The following FLT3 variants were observed in gnomAD, a reference collection of about 807,000 sequenced individuals.
The protein encoded by FLT3 is fms related receptor tyrosine kinase 3, also known as receptor-type tyrosine-protein kinase FLT3.
In FLT3, 46 loss-of-function variants were observed where a neutral mutation model predicts 126.6. The observed-to-expected ratio is 0.36, with a 90% CI of 0.29 to 0.46. The LOEUF is 0.46. Among genes scored for constraint, FLT3 ranks in the 20% least tolerant of loss-of-function variants. The pLI is 1.00. For synonymous variants in FLT3, 404 were observed against 434.4 expected, an observed-to-expected ratio of 0.93 and a Z score of 0.87; for missense variants, 1,069 against 1,190.3, an observed-to-expected ratio of 0.90 and a Z score of 1.50.
At chr13:28,094,312 C>A (rs1879307616) in intron 1 of FLT3, among the ~76,000 whole-genome samples, 1 of 152,096 alleles carries the variant, frequency 6.6e-6, no homozygotes, top group South Asian at 2.1e-4. Flanking sequence ...CTAAAGCCTG[C>A]TTTAGCATAG....
rs9554237 is a variant in FLT3 at position 28,068,805 on chromosome 13, C to A, written c.165+1686G>T. The stretch of plus-strand genomic sequence containing the variant: ...TTCCTCAGGCTGGTCTCAAACTCCT[C>A]AGCTCAAGCGATCCACCCACCTTGG... On this transcript the variant is annotated intron_variant, in intron 2 of 23. Transcript: ENST00000241453. Among the ~76,000 whole-genome samples, 6 of 152,086 alleles carry A rather than the reference C, an allele frequency of 3.9e-5. No homozygotes were observed. In the South Asian group the frequency reaches 1.2e-3, roughly 32 times the overall value.
chr13:28,052,786 A>C (rs1239945718), intron 4 of FLT3, 112 bp from the exon 5 acceptor site: 1 of 651,954 alleles, frequency 1.5e-6, no homozygotes, highest in African/African-American at 1.9e-5. Flanking sequence ...TTACGTATAC[A>C]TATTTTTTTC....
Position 28,048,520 on chromosome 13 carries a change from T to C in FLT3, c.1037-77A>G, listed in dbSNP as rs565417377. On this transcript the variant is annotated intron_variant, in intron 8 of 23. Coordinates refer to ENST00000241453, the MANE Select transcript of FLT3 (RefSeq NM_004119.3). ...ACGTATTGAGAAGATAAAATAAACT[T>C]GTATTCATCAGTTTAACACAGGAAA... 1.5e-4 allele frequency: 157 copies of C among 1,015,058 alleles called. No homozygotes were observed. The Middle Eastern group carries it at 5.2e-3, about 33-fold the overall frequency. The allele number at this position is 1,015,058 out of a possible 1,614,324, so 62.9% of individuals were successfully genotyped here.
Position 28,003,388 on chromosome 13 carries a change from G to T in FLT3, c.*664C>A, listed in dbSNP as rs190904178. The T allele has an allele frequency of 2.7e-4, 63 of 233,616 alleles. No homozygotes were observed. The highest frequency in any genetic ancestry group is 1.4e-3 in the African/African-American group (62 of 45,466). 14.5% of individuals were successfully genotyped at this position (233,616 alleles called of 1,614,324 possible). A position where few individuals can be genotyped will look rare whatever the true frequency, so the allele number is the denominator to read the frequency against. On this transcript the variant is annotated 3_prime_UTR_variant, in exon 24 of 24. Transcript: ENST00000241453. ...AGGTGATGTATTACTCTTTATGGTAGAACACCTATTCATTATAAACTTCCC... is the reference window on the plus strand; with the variant it reads ...AGGTGATGTATTACTCTTTATGGTATAACACCTATTCATTATAAACTTCCC...
chr13:28,034,993 A>G (rs1873702733), intron 12 of FLT3, among the ~76,000 whole-genome samples: 1 of 152,114 alleles, frequency 6.6e-6, no homozygotes, highest in Admixed American at 6.6e-5. Context: ...CAAGTCAGAG[A>G]AAAAAGAAGT....
chr13:28,050,295 A>T, intron 5 of FLT3, 73 bp from the exon 6 acceptor site: 1 of 1,457,266 alleles, frequency 6.9e-7, no homozygotes, highest in Non-Finnish European at 9.5e-7. Flanking sequence ...AGAGGAGAAC[A>T]AAGTTCTAGA....
At chr13:28,009,609 G>C (rs976178556) in intron 23 of FLT3, 1 of 152,190 alleles carries the variant, frequency 6.6e-6, no homozygotes, top group African/African-American at 2.4e-5. Flanking sequence ...CCAGGTTAGA[G>C]TACAGTGGCA....
chr13:28,019,180 T>C (rs1872163883), intron 19 of FLT3, among the ~76,000 whole-genome samples: 1 of 152,154 alleles, frequency 6.6e-6, no homozygotes. Flanking sequence ...TTGGTCAGGC[T>C]GGTCTCGAAC....
chr13:28,028,087 AAAAG>A (rs1872969072), intron 16 of FLT3, 87 bp downstream of exon 16: 3 of 578,598 alleles, frequency 5.2e-6, no homozygotes, highest in Admixed American at 3.1e-5. Context: ...CAAAGAATTA[AAAAG>A]AGAGAGAGAG....
chr13:28,033,765 TTAGCCTTGAAACA>T, intron 15 of FLT3, 109 bp downstream of exon 15: 1 of 777,872 alleles, frequency 1.3e-6, no homozygotes, highest in Non-Finnish European at 2.2e-6. Context: ...CACTCCATTT[TTAGCCTTGAAACA>T]TGGCAAACAG....
rs1566090960 is a variant in FLT3, at chr13:28,061,867, C to T, written c.368G>A (p.Arg123Lys). 6.2e-7 allele frequency: 1 copy of T among 1,611,306 alleles called. No individual in the cohort carries two copies. The highest frequency in any genetic ancestry group is 1.1e-5 in the South Asian group (1 of 90,968). Residue 123 changes from arginine (R) to lysine (K), a missense_variant and splice_region_variant, in exon 3 of 24, where the codon AGA (arginine) becomes AAA (lysine). Arg to Lys is a conservative substitution (Grantham distance 26, BLOSUM62 2). Coordinates refer to ENST00000241453, the MANE Select transcript of FLT3 (RefSeq NM_004119.3). ...GTCAAGAAGGTATTCCTCCACTTAC[C>T]TGTTTTGTAAATCAAAATGTGGCTG... ...NCQPHFDLQN[R>K]GVVSMVILKM...
intron 19 of FLT3, among the ~76,000 whole-genome samples, chr13:28,020,764 G>A (rs1245015573): frequency 6.6e-6 from 1 of 152,052 alleles, no homozygotes; most frequent in Admixed American, 6.6e-5. Flanking sequence ...CTAGTACAGT[G>A]CTTGGCATGT....
At chr13:28,021,305 G>T (rs533781918) in intron 19 of FLT3, among the ~76,000 whole-genome samples, 3 of 152,152 alleles carry the variant, frequency 2.0e-5, no homozygotes, top group Admixed American at 6.5e-5. Context: ...CAGGAGGATC[G>T]CTTGAACCTG....
At chr13:28,025,839 C>T (rs1377185399) in intron 17 of FLT3, among the ~76,000 whole-genome samples, 1 of 152,130 alleles carries the variant, frequency 6.6e-6, no homozygotes, top group Non-Finnish European at 1.5e-5. Flanking sequence ...CACGGACGTG[C>T]ATGGGGATCT....
chr13:28,024,119 CTT>C (rs1234259201), intron 18 of FLT3, among the ~76,000 whole-genome samples: 1 of 143,958 alleles, frequency 6.9e-6, no homozygotes, highest in African/African-American at 2.5e-5. Flanking sequence ...TTACTCCTTC[CTT>C]TTTTTTTCTT....
chr13:28,058,078 G>A (rs1876174267), intron 3 of FLT3, among the ~76,000 whole-genome samples: 1 of 151,136 alleles, frequency 6.6e-6, no homozygotes, highest in South Asian at 2.1e-4. Flanking sequence ...AGCACAGTAA[G>A]CTGGGTGCAG....
rs1270130099 is a variant in FLT3, at chr13:28,100,297, T to C, written c.43+171A>G. Among the ~76,000 whole-genome samples the C allele has an allele frequency of 1.3e-5, 2 of 151,402 alleles. No homozygotes were observed. Among genetic ancestry groups the C allele is most frequent in the African/African-American group, 4.9e-5 (2 of 41,170 alleles). On this transcript the variant is annotated intron_variant, in intron 1 of 23. Coordinates refer to ENST00000241453, the MANE Select transcript of FLT3 (RefSeq NM_004119.3). The surrounding 1 kb of genome is among the most constrained non-coding windows in gnomAD (Gnocchi z 4.8). ...AAACGCCGGGGCCGCAGGCAAGTAG[T>C]GGGCGAGTCCGGAGGGCGCGAAAGA...
At chr13:28,059,995 A>C (rs1435496591) in intron 3 of FLT3, among the ~76,000 whole-genome samples, 1 of 149,644 alleles carries the variant, frequency 6.7e-6, no homozygotes, top group African/African-American at 2.5e-5. Flanking sequence ...TAAATAAATA[A>C]ATAAATTTAA....
chr13:28,091,882 C>T (rs1879129721), intron 1 of FLT3, among the ~76,000 whole-genome samples: 3 of 151,930 alleles, frequency 2.0e-5, no homozygotes, highest in African/African-American at 7.2e-5. Context: ...CCAGCCTGGC[C>T]AACATGGTGA....
Sources: allele counts gnomAD v4.1 joint callset (sites outside exome capture counted in the v4.1 genomes callset), GRCh38; gene constraint gnomAD v4.1.1; non-coding constraint Gnocchi (gnomAD v3.1); transcripts MANE v1.5; gene names NCBI Gene and HGNC (gene_info 2026-07-23, HGNC 2026-07-21).